The following IMMP1L variants were observed in gnomAD, a reference collection of about 807,000 sequenced individuals.
The protein encoded by IMMP1L is mitochondrial inner membrane protease subunit 1.
IMMP1L carries 24 observed loss-of-function variants against 21.8 expected under a neutral mutation model. The observed-to-expected ratio is 1.10, with a 90% CI of 0.80 to 1.55. The LOEUF is 1.55. Ranked by LOEUF, IMMP1L falls within the 40% of genes most tolerant of loss-of-function variation. IMMP1L has a pLI of 0.00. For synonymous variants in IMMP1L, 46 were observed against 62.8 expected, an observed-to-expected ratio of 0.73 and a Z score of 1.26; for missense variants, 195 against 200.7, an observed-to-expected ratio of 0.97 and a Z score of 0.17.
chr11:31,502,655 A>G (rs16922200), intron 1 of IMMP1L, among the ~76,000 whole-genome samples: 3,171 of 152,298 alleles, frequency 0.021, 103 homozygotes, highest in African/African-American at 0.072. Context: ...TGTCCACGAT[A>G]ATTAGAACAT....
intron 3 of IMMP1L, among the ~76,000 whole-genome samples, chr11:31,459,085 C>T (rs1173378849): frequency 2.6e-5 from 4 of 152,140 alleles, no homozygotes; most frequent in Non-Finnish European, 5.9e-5. Flanking sequence ...GGAGCAACAA[C>T]ACAATCTATT....
At chr11:31,453,474 A>C (rs1398269660) in intron 4 of IMMP1L, among the ~76,000 whole-genome samples, 5 of 152,200 alleles carry the variant, frequency 3.3e-5, no homozygotes, top group Non-Finnish European at 7.3e-5. Flanking sequence ...GATTTTTCTT[A>C]GAGGATGCAG....
intron 1 of IMMP1L, among the ~76,000 whole-genome samples, chr11:31,480,744 T>G (rs988284005): frequency 6.6e-6 from 1 of 152,084 alleles, no homozygotes; most frequent in African/African-American, 2.4e-5. Context: ...AAGTATCACA[T>G]AGACATTACA....
intron 1 of IMMP1L, among the ~76,000 whole-genome samples, chr11:31,487,043 T>C (rs1163927302): frequency 6.6e-6 from 1 of 151,788 alleles, no homozygotes; most frequent in African/African-American, 2.4e-5. Flanking sequence ...TAATTATTCA[T>C]TGTATTATAT....
chr11:31,454,496 T>G (rs1404685150), intron 4 of IMMP1L, among the ~76,000 whole-genome samples: 14 of 143,336 alleles, frequency 9.8e-5, no homozygotes. Context: ...GGATTTTGAA[T>G]GTTCTCACTA....
intron 1 of IMMP1L, among the ~76,000 whole-genome samples, chr11:31,480,755 C>T (rs914932662): frequency 3.3e-5 from 5 of 152,006 alleles, no homozygotes; most frequent in African/African-American, 1.2e-4. Flanking sequence ...AGACATTACA[C>T]ATACACACAC....
chr11:31,447,120 G>A (rs1392484991), intron 4 of IMMP1L, among the ~76,000 whole-genome samples: 1 of 152,210 alleles, frequency 6.6e-6, no homozygotes, highest in Non-Finnish European at 1.5e-5. Context: ...TGGCCCTCAA[G>A]TAAGTGCTCA....
intron 1 of IMMP1L, among the ~76,000 whole-genome samples, chr11:31,501,051 T>C (rs991807890): frequency 6.6e-6 from 1 of 152,226 alleles, no homozygotes; most frequent in African/African-American, 2.4e-5. Flanking sequence ...AGTTCCTCTG[T>C]CATATCAGTC....
At chr11:31,433,310 A>G (rs1952986416) in intron 5 of IMMP1L, 150 bp downstream of exon 5, 1 of 510,274 alleles carries the variant, frequency 2.0e-6, no homozygotes. Context: ...AGGTTTGCAT[A>G]TGGCTATTAA....
intron 1 of IMMP1L, among the ~76,000 whole-genome samples, chr11:31,472,175 T>G (rs1564992380): frequency 1.3e-5 from 2 of 152,332 alleles, no homozygotes; most frequent in Non-Finnish European, 2.9e-5. Context: ...AAGTCTCGTT[T>G]GCCATGTAAG....
intron 1 of IMMP1L, among the ~76,000 whole-genome samples, chr11:31,472,682 A>G (rs1161601242): frequency 6.6e-6 from 1 of 152,218 alleles, no homozygotes; most frequent in Non-Finnish European, 1.5e-5. Flanking sequence ...AATAATTAAT[A>G]GAAAAGCTAG....
At chr11:31,509,421 G>A (rs936316361) in intron 1 of IMMP1L, 98 bp downstream of exon 1, 1 of 232,854 alleles carries the variant, frequency 4.3e-6, no homozygotes, top group East Asian at 8.4e-5. Context: ...GCAATTGCTT[G>A]ATAAGCCCTA....
At chr11:31,490,869 G>A (rs543958131) in intron 1 of IMMP1L, among the ~76,000 whole-genome samples, 16 of 152,186 alleles carry the variant, frequency 1.1e-4, no homozygotes, top group African/African-American at 2.4e-4. Flanking sequence ...CAACGGGAAC[G>A]TCCTCATTAG....
chr11:31,501,696 G>A (rs954222368), intron 1 of IMMP1L, among the ~76,000 whole-genome samples: 1 of 152,108 alleles, frequency 6.6e-6, no homozygotes, highest in Non-Finnish European at 1.5e-5. Context: ...GCTCATGCCT[G>A]TAATCCCAGC....
At chr11:31,441,095 TA>T (rs1284414740) in intron 4 of IMMP1L, among the ~76,000 whole-genome samples, 2 of 152,178 alleles carry the variant, frequency 1.3e-5, no homozygotes, top group Non-Finnish European at 2.9e-5. Flanking sequence ...GTAAAATTTT[TA>T]AAATATATAT....
chr11:31,502,658 T>C (rs779682304), intron 1 of IMMP1L, among the ~76,000 whole-genome samples: 13 of 152,178 alleles, frequency 8.5e-5, no homozygotes, highest in Non-Finnish European at 1.8e-4. Context: ...CCACGATAAT[T>C]AGAACATCAC....
intron 1 of IMMP1L, among the ~76,000 whole-genome samples, chr11:31,489,195 C>G (rs908722163): frequency 1.3e-5 from 2 of 151,994 alleles, no homozygotes; most frequent in Non-Finnish European, 2.9e-5. Context: ...CCGCACCCGG[C>G]CAAAAAGTTT....
At chr11:31,478,824 ATACTT>A (rs901373682) in intron 1 of IMMP1L, among the ~76,000 whole-genome samples, 2 of 152,142 alleles carry the variant, frequency 1.3e-5, no homozygotes, top group Non-Finnish European at 2.9e-5. Context: ...TTTTATAACT[ATACTT>A]TAAAATATTT....
intron 1 of IMMP1L, among the ~76,000 whole-genome samples, chr11:31,503,738 C>G (rs943667656): frequency 1.3e-5 from 2 of 152,094 alleles, no homozygotes; most frequent in Non-Finnish European, 2.9e-5. Context: ...TAGAAGCAAA[C>G]AGATTTTGCT....
Sources: allele counts gnomAD v4.1 joint callset (sites outside exome capture counted in the v4.1 genomes callset), GRCh38; gene constraint gnomAD v4.1.1; transcripts MANE v1.5; gene names NCBI Gene and HGNC (gene_info 2026-07-23, HGNC 2026-07-21).